Variants in AGMO observed in about 807,000 individuals in gnomAD.
AGMO encodes alkylglycerol monooxygenase.
In AGMO, 75 loss-of-function variants were observed where a neutral mutation model predicts 60.2. The observed-to-expected ratio is 1.25, with a 90% CI of 1.03 to 1.51. The LOEUF (loss-of-function observed/expected upper bound fraction) is 1.51. Among genes scored for constraint, AGMO ranks in the 40% most tolerant of loss-of-function variants. The pLI is 0.00. For missense variants in AGMO, 763 were observed against 525.5 expected, an observed-to-expected ratio of 1.45 and a Z score of -4.42; for synonymous variants, 261 against 177.1, an observed-to-expected ratio of 1.47 and a Z score of -3.76.
intron 12 of AGMO, among the ~76,000 whole-genome samples, chr7:15,298,984 C>CCCA (rs1449680210): frequency 6.6e-6 from 1 of 152,062 alleles, no homozygotes; most frequent in Non-Finnish European, 1.5e-5. Flanking sequence ...GTTATTGTCC[C>CCCA]CCAGGACTCC....
chr7:15,365,530 A>G lies in AGMO; in HGVS notation c.1247T>C (p.Leu416Ser). Reference sequence around the variant, plus strand: ...ATGTCTTACCTCAAAAGCAGATGACAATGAAGGGACAAGAGGCTTCAGGTG... The same window carrying G: ...ATGTCTTACCTCAAAAGCAGATGACGATGAAGGGACAAGAGGCTTCAGGTG... ...FGHLKPLVPS[L>S]SSAFEIVFSI... is the part of the protein sequence containing the mutation. The change falls in exon 12 of 13, where the codon TTG (leucine) becomes TCG (serine). Residue 416 changes from leucine to serine, a missense_variant. Physicochemically the swap from Leu to Ser is moderately radical, Grantham distance 145 (BLOSUM62 -2). Coordinates refer to ENST00000342526, the MANE Select transcript of AGMO (RefSeq NM_001004320.2). 1 of 1,612,342 alleles carries G rather than the reference A, an allele frequency of 6.2e-7. No individual in the cohort carries two copies. Among genetic ancestry groups the G allele is most frequent in the Non-Finnish European group, 8.5e-7 (1 of 1,178,628 alleles).
At chr7:15,462,705 G>A (rs1169529808) in intron 3 of AGMO, among the ~76,000 whole-genome samples, 1 of 152,072 alleles carries the variant, frequency 6.6e-6, no homozygotes, top group African/African-American at 2.4e-5. Context: ...GAAAAATTAA[G>A]CTCTATCATG....
At chr7:15,406,642 CAT>C (rs1247898874) in intron 5 of AGMO, among the ~76,000 whole-genome samples, 2 of 53,032 alleles carry the variant, frequency 3.8e-5, no homozygotes, top group East Asian at 5.0e-4. Flanking sequence ...TATGAATATA[CAT>C]ATATATGTGT....
chr7:15,188,205 G>A, the AGMO span, among the ~76,000 whole-genome samples: 1 of 152,152 alleles, frequency 6.6e-6, no homozygotes, highest in Non-Finnish European at 1.5e-5. Context: ...AGCCCCAGTT[G>A]CCAGGAGGTC....
At chr7:15,363,588 C>T in intron 12 of AGMO, among the ~76,000 whole-genome samples, 1 of 152,156 alleles carries the variant, frequency 6.6e-6, no homozygotes, top group Non-Finnish European at 1.5e-5. Flanking sequence ...AAGTTCAAGT[C>T]TTTACCATTT....
chr7:15,285,414 C>T (rs1784074538), intron 12 of AGMO, among the ~76,000 whole-genome samples: 4 of 152,076 alleles, frequency 2.6e-5, no homozygotes, highest in Admixed American at 2.6e-4. Context: ...ATCAGTAGCA[C>T]TTCTATATAC....
chr7:15,425,636 T>A (rs1318646348), intron 4 of AGMO, among the ~76,000 whole-genome samples: 1 of 151,978 alleles, frequency 6.6e-6, no homozygotes, highest in Non-Finnish European at 1.5e-5. Context: ...GACAGCATCT[T>A]GTGATATTGC....
chr7:15,315,306 G>A (rs190912677), intron 12 of AGMO, among the ~76,000 whole-genome samples: 1 of 132,372 alleles, frequency 7.6e-6, no homozygotes, highest in African/African-American at 2.8e-5. Context: ...TAAGATATAA[G>A]CAAAACTTAC....
At chr7:15,389,687 G>A (rs927977799) in intron 8 of AGMO, among the ~76,000 whole-genome samples, 3 of 152,110 alleles carry the variant, frequency 2.0e-5, no homozygotes, top group African/African-American at 7.2e-5. Context: ...ATCCACCTTG[G>A]TTAAGTTTAC....
intron 12 of AGMO, among the ~76,000 whole-genome samples, chr7:15,336,992 C>T (rs1028019622): frequency 6.6e-6 from 1 of 152,164 alleles, no homozygotes; most frequent in Non-Finnish European, 1.5e-5. Flanking sequence ...CCAGTGCCCT[C>T]CCTGGGGGCA....
Position 15,452,082 on chromosome 7 carries a change from C to T in AGMO, c.410-20974G>A, listed in dbSNP as rs185162721. Among the ~76,000 whole-genome samples the T allele has an allele frequency of 8.2e-4, 125 of 152,202 alleles. No homozygotes were observed. The Middle Eastern group carries it at 0.017, about 21-fold the overall frequency. ...GGATTCAAATATACAAGTACAGAGT[C>T]CTTCTCAGGCTATATTTAGATCACT... On this transcript the variant is annotated intron_variant, in intron 3 of 12. Coordinates refer to ENST00000342526, the MANE Select transcript of AGMO (RefSeq NM_001004320.2).
intron 5 of AGMO, among the ~76,000 whole-genome samples, chr7:15,394,830 G>A (rs1348342412): frequency 6.6e-6 from 1 of 152,070 alleles, no homozygotes; most frequent in Admixed American, 6.5e-5. Context: ...TTAGAGGCAT[G>A]GTCTACCATT....
chr7:15,140,821 T>C, the AGMO span, among the ~76,000 whole-genome samples: 1 of 152,210 alleles, frequency 6.6e-6, no homozygotes, highest in Non-Finnish European at 1.5e-5. Context: ...ATTTTGCATA[T>C]GTTTATTTCA....
intron 12 of AGMO, among the ~76,000 whole-genome samples, chr7:15,288,807 A>T (rs1003065888): frequency 2.6e-5 from 4 of 151,224 alleles, no homozygotes; most frequent in African/African-American, 9.7e-5. Flanking sequence ...AGAAGAAAGA[A>T]CATTAACATC....
chr7:15,242,036 A>T (rs1782607047), intron 12 of AGMO, among the ~76,000 whole-genome samples: 1 of 152,142 alleles, frequency 6.6e-6, no homozygotes, highest in African/African-American at 2.4e-5. Flanking sequence ...GGAATCTCTG[A>T]GACATCCTCT....
At chr7:15,226,885 A>G (rs1782099191) in intron 12 of AGMO, among the ~76,000 whole-genome samples, 1 of 152,124 alleles carries the variant, frequency 6.6e-6, no homozygotes, top group African/African-American at 2.4e-5. Flanking sequence ...AAATCAGTAA[A>G]AAGAAAATGC....
intron 5 of AGMO, among the ~76,000 whole-genome samples, chr7:15,416,027 C>CTT (rs759040945): frequency 3.8e-4 from 50 of 130,900 alleles, no homozygotes; most frequent in African/African-American, 1.2e-3. Flanking sequence ...TTCTTTTTTT[C>CTT]TTTTTTTTTT....
At chr7:15,144,752 C>T in the AGMO span, among the ~76,000 whole-genome samples, 1 of 152,154 alleles carries the variant, frequency 6.6e-6, no homozygotes, top group Non-Finnish European at 1.5e-5. Flanking sequence ...TGTATACATA[C>T]TGGTGTTAGG....
intron 3 of AGMO, among the ~76,000 whole-genome samples, chr7:15,531,317 CATATATT>C (rs1784335050): frequency 3.8e-5 from 2 of 52,620 alleles, no homozygotes; most frequent in Admixed American, 6.8e-4. Context: ...ATATTCTATA[CATATATT>C]CTATATATAT....
Sources: gnomAD v4.1 joint callset for allele counts (sites outside exome capture counted in the v4.1 genomes callset) on GRCh38, gnomAD v4.1.1 for gene constraint, MANE v1.5 for transcripts, NCBI Gene and HGNC (gene_info 2026-07-23, HGNC 2026-07-21) for gene names.